PRKAG2: variants seen among roughly 807,000 people sequenced by gnomAD.
PRKAG2 encodes 5'-AMP-activated protein kinase subunit gamma-2.
A neutral mutation model predicts 69.6 loss-of-function variants in PRKAG2; 26 were observed. The ratio of observed to expected loss-of-function variants is 0.37; its 90% CI spans 0.27 to 0.52. The LOEUF is 0.52. PRKAG2 is among the 20% of genes least tolerant of loss of function. The pLI, the probability that PRKAG2 is intolerant of heterozygous loss-of-function variation, is 0.90. For missense variants in PRKAG2, 557 were observed against 740.0 expected, an observed-to-expected ratio of 0.75 and a Z score of 2.87; for synonymous variants, 293 against 285.0, an observed-to-expected ratio of 1.03 and a Z score of -0.28.
At chr7:151,829,204 G>T (rs182251943) in intron 1 of PRKAG2, among the ~76,000 whole-genome samples, 7 of 152,272 alleles carry the variant, frequency 4.6e-5, no homozygotes, top group Admixed American at 4.6e-4. Flanking sequence ...TTAAACACAG[G>T]AAAAGGATCT....
chr7:151,768,397 TAAATCAG>T (rs1362145528), intron 3 of PRKAG2, among the ~76,000 whole-genome samples: 2 of 152,222 alleles, frequency 1.3e-5, no homozygotes, highest in Non-Finnish European at 2.9e-5. Flanking sequence ...AAAGCTTAAA[TAAATCAG>T]AAGCTTCATC....
chr7:151,628,157 G>A (rs1037307683), intron 5 of PRKAG2, among the ~76,000 whole-genome samples: 1 of 152,336 alleles, frequency 6.6e-6, no homozygotes, highest in Admixed American at 6.5e-5. Flanking sequence ...TCCGGCAGCT[G>A]GGAGAGAATG....
At chr7:151,664,753 A>G (rs1407021952) in intron 4 of PRKAG2, among the ~76,000 whole-genome samples, 1 of 152,234 alleles carries the variant, frequency 6.6e-6, no homozygotes, top group African/African-American at 2.4e-5. Context: ...TGCTATATGT[A>G]GGTTACCTGT....
intron 1 of PRKAG2, among the ~76,000 whole-genome samples, chr7:151,808,490 A>G (rs2078236231): frequency 6.6e-6 from 1 of 152,162 alleles, no homozygotes; most frequent in Non-Finnish European, 1.5e-5. Flanking sequence ...AAGCTGGTCC[A>G]AAGTGCACAC....
chr7:151,612,548 C>T (rs1819119594), intron 5 of PRKAG2, among the ~76,000 whole-genome samples: 1 of 152,180 alleles, frequency 6.6e-6, no homozygotes, highest in South Asian at 2.1e-4. Flanking sequence ...CCTGCTTCCA[C>T]CTGTTCTGTC....
chr7:151,687,619 TCTCAGAAC>T (rs1442473098), intron 3 of PRKAG2, among the ~76,000 whole-genome samples: 6 of 152,122 alleles, frequency 3.9e-5, no homozygotes, highest in Admixed American at 3.9e-4. Context: ...TGGACAAACA[TCTCAGAAC>T]CTCATTTTCG....
At chr7:151,574,461 G>A (rs1378925846) in intron 8 of PRKAG2, among the ~76,000 whole-genome samples, 1 of 152,126 alleles carries the variant, frequency 6.6e-6, no homozygotes, top group Non-Finnish European at 1.5e-5. Context: ...TCACTTTAAT[G>A]ACTCATTTTT....
chr7:151,661,276 C>G (rs1383619082), intron 4 of PRKAG2, among the ~76,000 whole-genome samples: 2 of 152,198 alleles, frequency 1.3e-5, no homozygotes, highest in Non-Finnish European at 2.9e-5. Flanking sequence ...ACTTCCGCCT[C>G]AAGCAATTCT....
In PRKAG2 at chr7:151,780,303, T is replaced by C. The variant is rs1041077970; in HGVS notation, c.466+849A>G. Among the ~76,000 whole-genome samples, 5 of 152,228 alleles carry C rather than the reference T, an allele frequency of 3.3e-5. No individual in the cohort carries two copies. The East Asian group carries it at 5.8e-4, about 18-fold the overall frequency. Reference sequence around the variant, plus strand: ...GCCTTGCAGATATAAAGCGTTGCTCTAACACACAGTATTGCCAGTCTTTCT... The same window carrying C: ...GCCTTGCAGATATAAAGCGTTGCTCCAACACACAGTATTGCCAGTCTTTCT... On this transcript the variant is annotated intron_variant, in intron 3 of 15. Coordinates refer to ENST00000287878, the MANE Select transcript of PRKAG2 (RefSeq NM_016203.4). The surrounding 1 kb of genome is among the most constrained non-coding windows in gnomAD (Gnocchi z 4.2).
chr7:151,661,949 G>C (rs577113000), intron 4 of PRKAG2, among the ~76,000 whole-genome samples: 5 of 152,124 alleles, frequency 3.3e-5, no homozygotes, highest in African/African-American at 1.2e-4. Flanking sequence ...GGACAGTCCC[G>C]GTTCTGAGCT....
rs2151325385 is a variant in PRKAG2, at chr7:151,632,123, C to A, written c.700G>T (p.Ala234Ser). Residue 234 changes from alanine (A) to serine (S), a missense_variant, in exon 5 of 16, where the codon GCC becomes TCC. Ala to Ser is a moderately conservative substitution (Grantham distance 99, BLOSUM62 1). Coordinates refer to ENST00000287878, the MANE Select transcript of PRKAG2 (RefSeq NM_016203.4). The surrounding 1 kb of genome is among the most constrained non-coding windows in gnomAD (Gnocchi z 4.2). ...APSKAAALAA[A>S]LGPAEAGMLE... Reference sequence around the variant, plus strand: ...ATGCCGGCTTCCGCGGGTCCCAGGGCCGCCGCCAGCGCCGCCTGAGGGGGA... The same window carrying A: ...ATGCCGGCTTCCGCGGGTCCCAGGGACGCCGCCAGCGCCGCCTGAGGGGGA... The A allele has an allele frequency of 7.1e-7, 1 of 1,408,266 alleles. No homozygotes were observed. The highest frequency in any genetic ancestry group is 9.4e-7 in the Non-Finnish European group (1 of 1,067,436). 87.2% of individuals were successfully genotyped at this position (1,408,266 alleles called of 1,614,324 possible). A position where few individuals can be genotyped will look rare whatever the true frequency, so the allele number is the denominator to read the frequency against.
chr7:151,618,538 G>A (rs935864143), intron 5 of PRKAG2, among the ~76,000 whole-genome samples: 1 of 152,026 alleles, frequency 6.6e-6, no homozygotes, highest in African/African-American at 2.4e-5. Context: ...GCCGAAGCAG[G>A]TGGGTCATTT....
rs1341194429 is a variant in PRKAG2 at position 151,828,316 on chromosome 7, G to T, written c.115-41775C>A. ...ATATCAAATCCTAGCCCAACAAGGG[G>T]TGACGGCAGGACTCTCCCCGGATTC... On this transcript the variant is annotated intron_variant, in intron 1 of 15. Coordinates refer to ENST00000287878, the MANE Select transcript of PRKAG2 (RefSeq NM_016203.4). The surrounding 1 kb of genome is among the most constrained non-coding windows in gnomAD (Gnocchi z 4.6). Among the ~76,000 whole-genome samples the T allele has an allele frequency of 5.9e-5, 9 of 152,198 alleles. No individual in the cohort carries two copies. Among genetic ancestry groups the T allele is most frequent in the Admixed American group, 5.9e-4 (9 of 15,286 alleles).
chr7:151,685,247 C>A lies in PRKAG2; in HGVS notation c.467-9610G>T, dbSNP rs565437626. ...GATCCATTCAACCTGAACTATTCTA[C>A]CTCCCACAGCCCCAGCTGCCCAATA... is the stretch of plus-strand genomic sequence containing the variant. On this transcript the variant is annotated intron_variant, in intron 3 of 15. Transcript: ENST00000287878. 4.6e-5 allele frequency among the ~76,000 whole-genome samples: 7 copies of A among 152,258 alleles called. No homozygotes were observed. In the South Asian group the frequency reaches 1.5e-3, roughly 32 times the overall value.
At chr7:151,634,817 T>G (rs1358417305) in intron 4 of PRKAG2, among the ~76,000 whole-genome samples, 2 of 152,044 alleles carry the variant, frequency 1.3e-5, no homozygotes, top group Non-Finnish European at 2.9e-5. Context: ...AATGAGATAC[T>G]ACTACACAAC....
chr7:151,763,905 G>A (rs1475187567), intron 3 of PRKAG2, among the ~76,000 whole-genome samples: 3 of 152,234 alleles, frequency 2.0e-5, no homozygotes, highest in African/African-American at 7.2e-5. Context: ...TTGCAGGCCC[G>A]GAAACCCGCA....
chr7:151,875,384 CA>C (rs1044674459), intron 1 of PRKAG2, among the ~76,000 whole-genome samples: 1 of 152,202 alleles, frequency 6.6e-6, no homozygotes, highest in Non-Finnish European at 1.5e-5. Flanking sequence ...GCTCAGCAAA[CA>C]CGGGGCAGTG....
intron 3 of PRKAG2, among the ~76,000 whole-genome samples, chr7:151,747,487 G>T (rs1298197025): frequency 6.6e-6 from 1 of 152,164 alleles, no homozygotes; most frequent in Non-Finnish European, 1.5e-5. Flanking sequence ...AACCTGGAAG[G>T]CGGGGTTTGT....
intron 3 of PRKAG2, among the ~76,000 whole-genome samples, chr7:151,690,305 G>A (rs1158441105): frequency 1.3e-5 from 2 of 152,170 alleles, no homozygotes; most frequent in East Asian, 1.9e-4. Context: ...GGTAGAGCTC[G>A]CTTCGCGGGG....
Sources: gnomAD v4.1 joint callset for allele counts (sites outside exome capture counted in the v4.1 genomes callset) on GRCh38, gnomAD v4.1.1 for gene constraint, Gnocchi (gnomAD v3.1) non-coding constraint, MANE v1.5 for transcripts, NCBI Gene and HGNC (gene_info 2026-07-23, HGNC 2026-07-21) for gene names.